The following NEBL variants were observed in gnomAD, a reference collection of about 807,000 sequenced individuals.
NEBL encodes nebulette, also known as LIM and SH3 protein 2.
A neutral mutation model predicts 140.2 loss-of-function variants in NEBL; 122 were observed. The ratio of observed to expected loss-of-function variants is 0.87; its 90% CI spans 0.75 to 1.01. The LOEUF is 1.01. NEBL is among the 50% of genes least tolerant of loss of function. The probability of loss-of-function intolerance (pLI) is 0.00; values close to 1 mark genes in which losing one functional copy is unlikely to be tolerated. For missense variants in NEBL, 1,365 were observed against 1,231.3 expected, an observed-to-expected ratio of 1.11 and a Z score of -1.62; for synonymous variants, 436 against 398.9, an observed-to-expected ratio of 1.09 and a Z score of -1.11.
At chr10:21,111,331 T>G (rs1838003273) in intron 2 of NEBL, among the ~76,000 whole-genome samples, 1 of 152,182 alleles carries the variant, frequency 6.6e-6, no homozygotes, top group South Asian at 2.1e-4. Context: ...TCGTGCTACC[T>G]GACTTCAAAC....
intron 4 of NEBL, among the ~76,000 whole-genome samples, chr10:20,933,453 G>C (rs1003710492): frequency 7.2e-5 from 11 of 152,216 alleles, no homozygotes; most frequent in African/African-American, 2.7e-4. Context: ...ACAGAAGAAG[G>C]CCGGGTGCGG....
intron 3 of NEBL, among the ~76,000 whole-genome samples, chr10:21,243,540 C>T (rs1445110031): frequency 2.0e-5 from 3 of 152,006 alleles, no homozygotes; most frequent in Non-Finnish European, 4.4e-5. Flanking sequence ...CTCCTGGCCT[C>T]AAGTGATCCT....
intron 4 of NEBL, among the ~76,000 whole-genome samples, chr10:20,887,400 C>T (rs941501504): frequency 5.4e-5 from 8 of 146,910 alleles, no homozygotes; most frequent in African/African-American, 2.0e-4. Flanking sequence ...TCTGTGGATC[C>T]TGAATTCAAC....
At chr10:21,043,520 T>A (rs1437682459) in intron 2 of NEBL, among the ~76,000 whole-genome samples, 2 of 152,254 alleles carry the variant, frequency 1.3e-5, no homozygotes, top group Non-Finnish European at 2.9e-5. Context: ...CTAAATAGCA[T>A]GCATGTGACT....
intron 2 of NEBL, among the ~76,000 whole-genome samples, chr10:21,067,421 G>A (rs1835616149): frequency 6.6e-6 from 1 of 152,124 alleles, no homozygotes; most frequent in African/African-American, 2.4e-5. Flanking sequence ...CATGTCCAAC[G>A]ATTGTCATGA....
At chr10:21,256,460 T>C (rs1224096430) in intron 1 of NEBL, among the ~76,000 whole-genome samples, 1 of 152,182 alleles carries the variant, frequency 6.6e-6, no homozygotes, top group Non-Finnish European at 1.5e-5. Context: ...TCCTGGGATA[T>C]TACAAACCAG....
In NEBL at chr10:20,782,820, A is replaced by G. The variant is rs1446762749; in HGVS notation, c.*2927T>C. 1 of 152,616 alleles carries G rather than the reference A, an allele frequency of 6.6e-6. No homozygotes were observed. Among genetic ancestry groups the G allele is most frequent in the Non-Finnish European group, 1.5e-5 (1 of 68,046 alleles). The allele number at this position is 152,616 out of a possible 1,614,324, so 9.5% of individuals were successfully genotyped here. On this transcript the variant is annotated 3_prime_UTR_variant, in exon 28 of 28. Coordinates refer to ENST00000377122, the MANE Select transcript of NEBL (RefSeq NM_006393.3). ...ATTTTGCCATAGGTTAGAAATAGAA[A>G]GCTTTCTAGAGAACAAGAATTATTA...
intron 3 of NEBL, among the ~76,000 whole-genome samples, chr10:20,987,095 T>C (rs970257440): frequency 2.0e-5 from 3 of 152,226 alleles, no homozygotes; most frequent in East Asian, 1.9e-4. Context: ...AATATTAATG[T>C]ATTTTTCTAA....
Position 21,061,318 on chromosome 10 carries a change from T to TATTACATATTATGTGATATGTAAC in NEBL, c.165-41118_165-41117insGTTACATATCACATAATATGTAAT, listed in dbSNP as rs1564497096. 6.9e-3 allele frequency among the ~76,000 whole-genome samples: 744 copies of TATTACATATTATGTGATATGTAAC among 107,150 alleles called. 21 individuals are homozygous for TATTACATATTATGTGATATGTAAC. Among genetic ancestry groups the TATTACATATTATGTGATATGTAAC allele is most frequent in the East Asian group, 0.043 (143 of 3,304 alleles). 70.3% of individuals were successfully genotyped at this position (107,150 alleles called of 152,430 possible). A position where few individuals can be genotyped will look rare whatever the true frequency, so the allele number is the denominator to read the frequency against. On this transcript the variant is annotated intron_variant, in intron 2 of 6. Coordinates refer to the NEBL transcript ENST00000417816. ...ATATTACATATTATGTGATATGTAA[T>TATTACATATTATGTGATATGTAAC]ATATTACATATTATGTGATATGTAA...
At chr10:20,792,139 A>G (rs923652717) in intron 26 of NEBL, among the ~76,000 whole-genome samples, 1 of 150,416 alleles carries the variant, frequency 6.6e-6, no homozygotes. Context: ...AAAAAAAAAG[A>G]AAGAAAGAAA....
chr10:20,851,618 AC>A (rs1454758164), intron 10 of NEBL, among the ~76,000 whole-genome samples: 6 of 146,448 alleles, frequency 4.1e-5, no homozygotes, highest in Non-Finnish European at 9.1e-5. Context: ...TACTAAAAAT[AC>A]AAAAAAAAAA....
chr10:21,223,093 T>C (rs977995435), intron 3 of NEBL, among the ~76,000 whole-genome samples: 1 of 152,212 alleles, frequency 6.6e-6, no homozygotes, highest in African/African-American at 2.4e-5. Context: ...TACAATAAAT[T>C]ATTGTTGACT....
At chr10:21,083,461 T>G (rs1447042533) in intron 2 of NEBL, among the ~76,000 whole-genome samples, 1 of 152,126 alleles carries the variant, frequency 6.6e-6, no homozygotes, top group Non-Finnish European at 1.5e-5. Flanking sequence ...TCTGAGTTCT[T>G]TCTGAAATAT....
At chr10:21,198,949 A>T (rs1423130484) in intron 3 of NEBL, among the ~76,000 whole-genome samples, 1 of 151,952 alleles carries the variant, frequency 6.6e-6, no homozygotes, top group African/African-American at 2.4e-5. Context: ...TGGGCCTAAA[A>T]GAGATTAATT....
intron 4 of NEBL, among the ~76,000 whole-genome samples, chr10:20,911,976 T>C (rs1372899951): frequency 6.6e-6 from 1 of 152,232 alleles, no homozygotes; most frequent in Non-Finnish European, 1.5e-5. Context: ...AAATAAGTTT[T>C]CGTGTCATCG....
intron 2 of NEBL, chr10:21,126,187 AT>A: frequency 6.7e-7 from 1 of 1,495,942 alleles, no homozygotes; most frequent in South Asian, 1.2e-5. Context: ...AGGAAAAAAA[AT>A]ACCACATTTG....
intron 26 of NEBL, among the ~76,000 whole-genome samples, chr10:20,794,209 T>A (rs2131657332): frequency 6.6e-6 from 1 of 152,316 alleles, no homozygotes; most frequent in South Asian, 2.1e-4. Flanking sequence ...GACCTGGCGG[T>A]CATCAGCTGA....
intron 3 of NEBL, among the ~76,000 whole-genome samples, chr10:21,235,189 G>A (rs1360170503): frequency 3.3e-5 from 5 of 152,114 alleles, no homozygotes; most frequent in African/African-American, 9.6e-5. Flanking sequence ...CCAGCTGCTC[G>A]GGAAGCTGAA....
chr10:20,815,858 T>C, intron 21 of NEBL, 141 bp from the exon 22 acceptor site: 1 of 688,648 alleles, frequency 1.5e-6, no homozygotes, highest in Non-Finnish European at 2.6e-6. Flanking sequence ...AGCCTCGATC[T>C]CCCAGGCTCA....
Sources: gnomAD v4.1 joint callset for allele counts (sites outside exome capture counted in the v4.1 genomes callset) on GRCh38, gnomAD v4.1.1 for gene constraint, MANE v1.5 for transcripts, NCBI Gene and HGNC (gene_info 2026-07-23, HGNC 2026-07-21) for gene names.